The following UNC5D variants were observed in gnomAD, a reference collection of about 807,000 sequenced individuals.
UNC5D encodes unc-5 netrin receptor D.
A neutral mutation model predicts 105.4 loss-of-function variants in UNC5D; 39 were observed. The observed-to-expected ratio is 0.37, with a 90% CI of 0.29 to 0.48. The LOEUF (loss-of-function observed/expected upper bound fraction) is 0.48, where lower values mean the gene tolerates loss of function less well. UNC5D is among the 20% of genes least tolerant of loss of function. UNC5D has a pLI of 0.98. For synonymous variants in UNC5D, 452 were observed against 450.4 expected (o/e 1.00, Z -0.04); for missense variants, 991 against 1,202.4 (o/e 0.82, Z 2.60).
At chr8:35,778,701 C>G (rs1802368637) in intron 16 of UNC5D, among the ~76,000 whole-genome samples, 1 of 152,212 alleles carries the variant, frequency 6.6e-6, no homozygotes, top group Non-Finnish European at 1.5e-5. Context: ...AGTAAAACTA[C>G]TGTCCTCAAA....
intron 16 of UNC5D, among the ~76,000 whole-genome samples, chr8:35,783,098 G>T (rs76463657): frequency 6.6e-6 from 1 of 151,624 alleles, no homozygotes; most frequent in Non-Finnish European, 1.5e-5. Flanking sequence ...AGCTATGATC[G>T]CACCACTGCA....
intron 4 of UNC5D, among the ~76,000 whole-genome samples, chr8:35,616,317 C>A (rs369836245): frequency 1.3e-5 from 2 of 152,168 alleles, no homozygotes; most frequent in Non-Finnish European, 2.9e-5. Context: ...CCAGCAGAGT[C>A]GGATAGCATG....
chr8:35,545,853 A>G (rs772222138), intron 1 of UNC5D, among the ~76,000 whole-genome samples: 3 of 151,692 alleles, frequency 2.0e-5, no homozygotes, highest in Admixed American at 1.3e-4. Flanking sequence ...ATTACATTCC[A>G]CCCTTTTTCT....
intron 1 of UNC5D, among the ~76,000 whole-genome samples, chr8:35,271,688 C>A (rs1030831986): frequency 3.2e-4 from 3 of 9,376 alleles, no homozygotes; most frequent in Non-Finnish European, 8.8e-4. Flanking sequence ...TATATGTATA[C>A]ATGTATACAT....
intron 1 of UNC5D, among the ~76,000 whole-genome samples, chr8:35,465,649 T>A (rs1809250012): frequency 6.6e-6 from 1 of 152,222 alleles, no homozygotes; most frequent in Non-Finnish European, 1.5e-5. Context: ...ATTGTCTTCT[T>A]CCACTGTTAT....
chr8:35,766,092 A>G (rs1367200082), intron 14 of UNC5D, among the ~76,000 whole-genome samples: 1 of 152,094 alleles, frequency 6.6e-6, no homozygotes, highest in African/African-American at 2.4e-5. Flanking sequence ...TATAGATTTT[A>G]TCATTTCCCT....
intron 1 of UNC5D, among the ~76,000 whole-genome samples, chr8:35,282,699 T>C: frequency 1.2e-5 from 1 of 83,218 alleles, no homozygotes; most frequent in South Asian, 5.3e-4. Context: ...AACTAACAAG[T>C]TATTAAAAGA....
rs1192773107 is a variant in UNC5D, at chr8:35,684,630, G to A, written c.800G>A (p.Arg267His). ...SWTEWSACNV[R>H]CGRGWQKRSR... ...ACAGAGTGGTCAGCCTGCAATGTTC[G>A]CTGTGGTAGAGGATGGCAGAAACGT... Residue 267 changes from arginine to histidine, a missense_variant, in exon 6 of 17, where the codon CGC (arginine) becomes CAC (histidine). Physicochemically the swap from Arg to His is conservative, Grantham distance 29. Transcript: ENST00000404895. 5 of 1,613,452 alleles carry A rather than the reference G, an allele frequency of 3.1e-6. No individual in the cohort carries two copies. The highest frequency in any genetic ancestry group is 4.2e-6 in the Non-Finnish European group (5 of 1,179,906).
At chr8:35,330,530 A>G (rs1388521274) in intron 1 of UNC5D, among the ~76,000 whole-genome samples, 1 of 152,262 alleles carries the variant, frequency 6.6e-6, no homozygotes, top group African/African-American at 2.4e-5. Context: ...CTATTGCATT[A>G]TTCCAGCTGA....
intron 4 of UNC5D, among the ~76,000 whole-genome samples, chr8:35,598,032 C>T (rs967488083): frequency 6.6e-6 from 1 of 152,050 alleles, no homozygotes; most frequent in Non-Finnish European, 1.5e-5. Context: ...TTTGAATGTG[C>T]TGGCCTCTCT....
chr8:35,626,510 A>G (rs1402701934), intron 4 of UNC5D, among the ~76,000 whole-genome samples: 1 of 152,172 alleles, frequency 6.6e-6, no homozygotes, highest in Non-Finnish European at 1.5e-5. Flanking sequence ...AATGAAAATG[A>G]TTAATTAGAT....
At chr8:35,239,302 C>G (rs374874071) in intron 1 of UNC5D, among the ~76,000 whole-genome samples, 1 of 152,030 alleles carries the variant, frequency 6.6e-6, no homozygotes, top group Non-Finnish European at 1.5e-5. Context: ...TGACTGAATC[C>G]GTCAGGTAGT....
chr8:35,639,956 C>T (rs1244869807), intron 4 of UNC5D, among the ~76,000 whole-genome samples: 1 of 151,826 alleles, frequency 6.6e-6, no homozygotes, highest in Admixed American at 6.6e-5. Context: ...AACTCCTGCC[C>T]ATAAGCGATC....
chr8:35,259,096 T>C (rs920566385), intron 1 of UNC5D, among the ~76,000 whole-genome samples: 3 of 152,160 alleles, frequency 2.0e-5, no homozygotes, highest in Non-Finnish European at 4.4e-5. Context: ...TTGGGAGCAG[T>C]TAAGTGTTGG....
At chr8:35,622,440 T>C (rs772755725) in intron 4 of UNC5D, among the ~76,000 whole-genome samples, 3 of 152,220 alleles carry the variant, frequency 2.0e-5, no homozygotes, top group Non-Finnish European at 4.4e-5. Context: ...ATCTTGATGC[T>C]ATGAGTCAGG....
intron 14 of UNC5D, among the ~76,000 whole-genome samples, chr8:35,760,433 A>T (rs1338192262): frequency 2.6e-5 from 4 of 152,142 alleles, no homozygotes; most frequent in Admixed American, 1.3e-4. Context: ...AAAAAAAAAA[A>T]ATTCAGGGAG....
chr8:35,737,793 G>A (rs1351373753), intron 11 of UNC5D, among the ~76,000 whole-genome samples: 5 of 152,096 alleles, frequency 3.3e-5, no homozygotes, highest in Non-Finnish European at 7.4e-5. Context: ...GCAGACCTCA[G>A]TGTTGACATA....
chr8:35,573,742 C>G (rs2130809911), intron 3 of UNC5D, among the ~76,000 whole-genome samples: 1 of 152,230 alleles, frequency 6.6e-6, no homozygotes, highest in Admixed American at 6.5e-5. Flanking sequence ...TGTGTGTACA[C>G]ATGCATGCAT....
At chr8:35,322,845 C>T (rs1214998613) in intron 1 of UNC5D, among the ~76,000 whole-genome samples, 1 of 152,112 alleles carries the variant, frequency 6.6e-6, no homozygotes, top group African/African-American at 2.4e-5. Flanking sequence ...TTACTACTCT[C>T]CGAAGAGGTT....
Sources: allele counts gnomAD v4.1 joint callset (sites outside exome capture counted in the v4.1 genomes callset), GRCh38; gene constraint gnomAD v4.1.1; transcripts MANE v1.5; gene names NCBI Gene and HGNC (gene_info 2026-07-23, HGNC 2026-07-21).